Variants in CCDC7 observed in about 807,000 individuals in gnomAD.
CCDC7 encodes coiled-coil domain containing 7.
A neutral mutation model predicts 196.9 loss-of-function variants in CCDC7; 183 were observed. The observed-to-expected ratio is 0.93, with a 90% CI of 0.82 to 1.05. The LOEUF is 1.05. CCDC7 is among the 50% of genes least tolerant of loss of function. The pLI is 0.00. For synonymous variants in CCDC7, 525 were observed against 484.6 expected (o/e 1.08, Z -1.10); for missense variants, 1,540 against 1,482.2 (o/e 1.04, Z -0.64).
At chr10:32,684,207 G>A (rs2076204188) in intron 21 of CCDC7, among the ~76,000 whole-genome samples, 1 of 152,116 alleles carries the variant, frequency 6.6e-6, no homozygotes, top group South Asian at 2.1e-4. Context: ...CCTAGATGGG[G>A]CCCTTATCCT....
At chr10:32,760,790 C>A (rs1228428922) in intron 28 of CCDC7, among the ~76,000 whole-genome samples, 2 of 151,118 alleles carry the variant, frequency 1.3e-5, no homozygotes, top group African/African-American at 4.9e-5. Context: ...AAAAAGAACA[C>A]CCAAAGCAAG....
chr10:32,468,814 G>A (rs1229610329), intron 5 of CCDC7, among the ~76,000 whole-genome samples: 1 of 152,204 alleles, frequency 6.6e-6, no homozygotes, highest in Non-Finnish European at 1.5e-5. Context: ...ACTAACATTT[G>A]AGAATCTTGT....
intron 32 of CCDC7, among the ~76,000 whole-genome samples, chr10:32,832,240 G>T (rs1290603586): frequency 6.6e-6 from 1 of 152,098 alleles, no homozygotes; most frequent in Non-Finnish European, 1.5e-5. Context: ...AGTGGCTCAT[G>T]CTTGTAATCC....
chr10:32,525,944 T>G (rs1163830670), intron 11 of CCDC7, among the ~76,000 whole-genome samples: 1 of 152,222 alleles, frequency 6.6e-6, no homozygotes, highest in African/African-American at 2.4e-5. Flanking sequence ...CCATTGAGAC[T>G]GCACCAGGTC....
chr10:32,683,217 G>C (rs56220335), intron 21 of CCDC7, among the ~76,000 whole-genome samples: 21,814 of 152,126 alleles, frequency 0.14, 1,905 homozygotes, highest in African/African-American at 0.25. Context: ...CATGTGGCTA[G>C]CCTGTTATCC....
At chr10:32,803,862 T>C (rs1458793369) in intron 29 of CCDC7, among the ~76,000 whole-genome samples, 1 of 152,180 alleles carries the variant, frequency 6.6e-6, no homozygotes, top group Non-Finnish European at 1.5e-5. Context: ...TTCATTTGTG[T>C]GTCCCTCTTC....
chr10:32,506,353 C>T (rs573861428), intron 9 of CCDC7, among the ~76,000 whole-genome samples: 27 of 150,356 alleles, frequency 1.8e-4, no homozygotes, highest in South Asian at 1.7e-3. Flanking sequence ...CGGGCAGAGG[C>T]GCTCTTCACT....
chr10:32,635,469 C>A (rs188588582), intron 20 of CCDC7, among the ~76,000 whole-genome samples: 1 of 152,136 alleles, frequency 6.6e-6, no homozygotes, highest in Non-Finnish European at 1.5e-5. Flanking sequence ...ATGAAGGGAC[C>A]TGCTTTATCA....
At chr10:32,729,376 C>T (rs769849620) in exon 28 of CCDC7, 31 of 1,552,038 alleles carry the variant, frequency 2.0e-5, no homozygotes, top group Non-Finnish European at 2.6e-5. Context: ...ACTTGAACAT[C>T]TGTTGCCTGA....
chr10:32,786,825 A>G (rs916714915), intron 29 of CCDC7, among the ~76,000 whole-genome samples: 1 of 152,206 alleles, frequency 6.6e-6, no homozygotes, highest in Non-Finnish European at 1.5e-5. Flanking sequence ...AAAGGAAAAC[A>G]TGGACAAAGA....
chr10:32,828,489 G>C (rs1343623915), intron 32 of CCDC7, among the ~76,000 whole-genome samples: 1 of 60,852 alleles, frequency 1.6e-5, no homozygotes, highest in Non-Finnish European at 3.4e-5. Context: ...GGAAGAGGAA[G>C]AAGAAGAAGA....
intron 30 of CCDC7, among the ~76,000 whole-genome samples, chr10:32,808,512 T>A (rs1400181303): frequency 6.6e-6 from 1 of 152,152 alleles, no homozygotes; most frequent in Non-Finnish European, 1.5e-5. Flanking sequence ...CCACTGTGAC[T>A]TTTATTGCCC....
chr10:32,497,856 G>T (rs907842926), intron 9 of CCDC7, among the ~76,000 whole-genome samples: 2 of 152,150 alleles, frequency 1.3e-5, no homozygotes, highest in Non-Finnish European at 1.5e-5. Flanking sequence ...GTGTTGAGAA[G>T]AATGTATATT....
chr10:32,512,036 G>C, intron 9 of CCDC7: 1 of 347,396 alleles, frequency 2.9e-6, no homozygotes, highest in Non-Finnish European at 5.3e-6. Flanking sequence ...TCTTGTCAGT[G>C]CATTGTCTAG....
chr10:32,862,303 A>G (rs944000719), intron 41 of CCDC7, among the ~76,000 whole-genome samples: 2 of 152,082 alleles, frequency 1.3e-5, no homozygotes, highest in African/African-American at 2.4e-5. Flanking sequence ...ATTCACAGCA[A>G]ACTAACACAA....
exon 11 of CCDC7, chr10:32,518,499 C>G (rs1317986253): frequency 1.2e-6 from 2 of 1,603,390 alleles, no homozygotes; most frequent in South Asian, 2.2e-5. Flanking sequence ...AGTTGAAGGA[C>G]AAAGAGGTTG....
chr10:32,772,887 C>A (rs1043773677), intron 28 of CCDC7, among the ~76,000 whole-genome samples: 12 of 152,272 alleles, frequency 7.9e-5, no homozygotes, highest in Admixed American at 2.0e-4. Flanking sequence ...ACCTGACTCG[C>A]AGTGTAGGCT....
chr10:32,725,378 TGA>T (rs1204145271), intron 25 of CCDC7: 11 of 470,916 alleles, frequency 2.3e-5, no homozygotes, highest in South Asian at 1.7e-4. Context: ...TGCCCAAGAC[TGA>T]GGGTATGTTT....
intron 41 of CCDC7, among the ~76,000 whole-genome samples, chr10:32,860,909 G>A (rs2093956198): frequency 6.6e-6 from 1 of 152,068 alleles, no homozygotes; most frequent in African/African-American, 2.4e-5. Flanking sequence ...GGAAATAAGA[G>A]AGAACATAAA....
Sources: allele counts gnomAD v4.1 joint callset (sites outside exome capture counted in the v4.1 genomes callset), GRCh38; gene constraint gnomAD v4.1.1; transcripts MANE v1.5; gene names NCBI Gene and HGNC (gene_info 2026-07-23, HGNC 2026-07-21).